PPM1D: variants seen among roughly 807,000 people sequenced by gnomAD.
The protein encoded by PPM1D is protein phosphatase 1D.
A neutral mutation model predicts 58.3 loss-of-function variants in PPM1D; 52 were observed. That is an observed-to-expected ratio of 0.89 (90% CI 0.71 to 1.12). The LOEUF is 1.12. Ranked by LOEUF, PPM1D falls within the 50% of genes most tolerant of loss-of-function variation. The pLI is 0.00. For synonymous variants in PPM1D, 278 were observed against 285.1 expected (o/e 0.98, Z 0.25); for missense variants, 564 against 777.2 (o/e 0.73, Z 3.26).
chr17:60,603,596 C>G (rs2030266968), intron 1 of PPM1D, among the ~76,000 whole-genome samples: 1 of 152,240 alleles, frequency 6.6e-6, no homozygotes, highest in Admixed American at 6.5e-5. Flanking sequence ...AACCTTGTCT[C>G]TACTAAAAAT....
intron 3 of PPM1D, among the ~76,000 whole-genome samples, chr17:60,635,490 C>T (rs1363400980): frequency 6.6e-6 from 1 of 152,194 alleles, no homozygotes; most frequent in East Asian, 1.9e-4. Context: ...GCTGGGATTA[C>T]AGGCGTGAGC....
Position 60,637,437 on chromosome 17 carries a change from A to G in PPM1D, c.826+3460A>G, listed in dbSNP as rs566379814. Among the ~76,000 whole-genome samples, 4 of 152,230 alleles carry G rather than the reference A, an allele frequency of 2.6e-5. No homozygotes were observed. The South Asian group carries it at 8.3e-4, about 32-fold the overall frequency. On this transcript the variant is annotated intron_variant, in intron 3 of 5. Transcript: ENST00000305921. ...CAGTATTTTTAACTGAGCAGCTGGA[A>G]AAATGGAGTTGCCACTAAGTGATAA...
intron 1 of PPM1D, among the ~76,000 whole-genome samples, chr17:60,609,039 G>A (rs1325332562): frequency 6.6e-6 from 1 of 151,788 alleles, no homozygotes; most frequent in Non-Finnish European, 1.5e-5. Flanking sequence ...GAGCCACCGC[G>A]CCCGGCCTTT....
chr17:60,603,076 C>A (rs2030251918), intron 1 of PPM1D, among the ~76,000 whole-genome samples: 1 of 152,160 alleles, frequency 6.6e-6, no homozygotes, highest in African/African-American at 2.4e-5. Context: ...CCTGCCCCCC[C>A]AACAAGGAAA....
At chr17:60,633,144 G>T (rs914073334) in intron 2 of PPM1D, among the ~76,000 whole-genome samples, 2 of 151,746 alleles carry the variant, frequency 1.3e-5, no homozygotes, top group African/African-American at 4.8e-5. Context: ...AAATAGCCAG[G>T]CATGGTAGCA....
chr17:60,633,879 G>A lies in PPM1D; in HGVS notation c.728G>A (p.Arg243His). ...GSVMNKSGVNRVVWKRPRLTH... is the reference protein window; with the variant it reads ...GSVMNKSGVNHVVWKRPRLTH... ...GTAATGAACAAGTCTGGGGTGAATC[G>A]TGTAGTTTGGAAACGACCTCGACTC... Residue 243 changes from arginine (R) to histidine (H), a missense_variant, in exon 3 of 6, where the codon CGT (arginine) becomes CAT (histidine). Arg to His is a conservative substitution (Grantham distance 29). Transcript: ENST00000305921. 1 of 1,612,938 alleles carries A rather than the reference G, an allele frequency of 6.2e-7. No individual in the cohort carries two copies. The highest frequency in any genetic ancestry group is 1.1e-5 in the South Asian group (1 of 91,052).
At chr17:60,603,285 A>G (rs902020788) in intron 1 of PPM1D, among the ~76,000 whole-genome samples, 2 of 152,266 alleles carry the variant, frequency 1.3e-5, no homozygotes, top group African/African-American at 2.4e-5. Context: ...TATGTGGGCT[A>G]CATCTTCCAG....
At chr17:60,611,055 C>T (rs1386928385) in intron 1 of PPM1D, among the ~76,000 whole-genome samples, 3 of 152,178 alleles carry the variant, frequency 2.0e-5, no homozygotes, top group Non-Finnish European at 4.4e-5. Context: ...CTCTGTTGCC[C>T]TGTTGCCCAG....
At chr17:60,645,351 T>C (rs1344940782) in intron 3 of PPM1D, among the ~76,000 whole-genome samples, 1 of 150,970 alleles carries the variant, frequency 6.6e-6, no homozygotes, top group Non-Finnish European at 1.5e-5. Context: ...CGAAACTCCA[T>C]CTCAAAAAAA....
intron 3 of PPM1D, among the ~76,000 whole-genome samples, chr17:60,645,456 ATG>A (rs371276467): frequency 0.041 from 5,060 of 123,808 alleles, 114 homozygotes; most frequent in East Asian, 0.11. Flanking sequence ...TAAAATATAT[ATG>A]TGTGTGTGTG....
chr17:60,609,013 C>G (rs946939189), intron 1 of PPM1D, among the ~76,000 whole-genome samples: 1 of 151,998 alleles, frequency 6.6e-6, no homozygotes, highest in African/African-American at 2.4e-5. Flanking sequence ...TCCCAAAGTG[C>G]TGGGATTACA....
intron 2 of PPM1D, 90 bp from the exon 3 acceptor site, chr17:60,633,763 T>G (rs1326127517): frequency 7.9e-7 from 1 of 1,270,750 alleles, no homozygotes; most frequent in Non-Finnish European, 1.1e-6. Flanking sequence ...AATAATGTAG[T>G]CTTATTTTAT....
chr17:60,617,576 A>T (rs551795981), intron 1 of PPM1D, among the ~76,000 whole-genome samples: 4 of 151,910 alleles, frequency 2.6e-5, no homozygotes, highest in African/African-American at 9.6e-5. Context: ...AATAGAAGAA[A>T]GGGTTTTATC....
chr17:60,643,130 A>G (rs1007324797), intron 3 of PPM1D, among the ~76,000 whole-genome samples: 1 of 151,828 alleles, frequency 6.6e-6, no homozygotes, highest in Non-Finnish European at 1.5e-5. Flanking sequence ...CTGTAATCCT[A>G]GCACTTTGGG....
chr17:60,648,384 TCG>T (rs1303283648), intron 4 of PPM1D, among the ~76,000 whole-genome samples: 1 of 147,790 alleles, frequency 6.8e-6, no homozygotes, highest in African/African-American at 2.7e-5. Flanking sequence ...ATAAAATTTA[TCG>T]TTTTTTTTTT....
At chr17:60,609,217 C>T (rs770897907) in intron 1 of PPM1D, among the ~76,000 whole-genome samples, 2 of 151,928 alleles carry the variant, frequency 1.3e-5, no homozygotes, top group Non-Finnish European at 2.9e-5. Flanking sequence ...CCTCAGCCTC[C>T]CCAGTAGCTG....
In PPM1D at chr17:60,622,138, C is replaced by T. The variant is rs189934135; in HGVS notation, c.473-1383C>T. ...CTGGGAGGCGGAGCTTGCAGTGAGC[C>T]GAGATCATGCCACTGCTCTCCAGCC... On this transcript the variant is annotated intron_variant, in intron 1 of 5. Transcript: ENST00000305921. Among the ~76,000 whole-genome samples the T allele has an allele frequency of 2.0e-3, 307 of 150,078 alleles. 4 individuals are homozygous for T. Among genetic ancestry groups the T allele is most frequent in the African/African-American group, 6.7e-3 (274 of 40,910 alleles).
intron 3 of PPM1D, among the ~76,000 whole-genome samples, chr17:60,642,352 A>ATTTTTTT (rs760188816): frequency 2.7e-4 from 34 of 124,856 alleles, no homozygotes; most frequent in African/African-American, 7.7e-4. Flanking sequence ...AGAAGAATGG[A>ATTTTTTT]TTTTTTTTTT....
At chr17:60,640,262 T>C (rs2031107382) in intron 3 of PPM1D, among the ~76,000 whole-genome samples, 1 of 152,206 alleles carries the variant, frequency 6.6e-6, no homozygotes, top group African/African-American at 2.4e-5. Flanking sequence ...GCCAAGATTA[T>C]GTCACTGTAC....
Sources: allele counts gnomAD v4.1 joint callset (sites outside exome capture counted in the v4.1 genomes callset), GRCh38; gene constraint gnomAD v4.1.1; transcripts MANE v1.5; gene names NCBI Gene and HGNC (gene_info 2026-07-23, HGNC 2026-07-21).